MAN1A2: variants seen among roughly 807,000 people sequenced by gnomAD.
The protein encoded by MAN1A2 is mannosidase alpha class 1A member 2, also known as mannosyl-oligosaccharide 1,2-alpha-mannosidase IB.
Under a neutral mutation model 75.7 loss-of-function variants are expected in MAN1A2, and 26 were observed. That is an observed-to-expected ratio of 0.34 (90% CI 0.25 to 0.48). The LOEUF is 0.48. Among genes scored for constraint, MAN1A2 ranks in the 20% least tolerant of loss-of-function variants. The pLI, the probability that MAN1A2 is intolerant of heterozygous loss-of-function variation, is 0.99. For synonymous variants in MAN1A2, 247 were observed against 264.6 expected (o/e 0.93, Z 0.65); for missense variants, 562 against 775.5 (o/e 0.72, Z 3.27).
chr1:117,430,346 G>A (rs1251935789), intron 5 of MAN1A2, among the ~76,000 whole-genome samples: 2,451 of 119,156 alleles, frequency 0.021, 4 homozygotes, highest in Non-Finnish European at 0.034. Flanking sequence ...GGTGGCTGCC[G>A]GGCGGAGACG....
intron 7 of MAN1A2, among the ~76,000 whole-genome samples, chr1:117,462,875 T>C (rs536804806): frequency 3.3e-5 from 5 of 152,076 alleles, no homozygotes. Context: ...AGACTACAGA[T>C]ACATCTGGGA....
chr1:117,422,897 T>C (rs1490056737), intron 5 of MAN1A2, among the ~76,000 whole-genome samples: 3 of 152,168 alleles, frequency 2.0e-5, no homozygotes, highest in Non-Finnish European at 2.9e-5. Context: ...TTTTGAAGAA[T>C]TGATGTTGTT....
At chr1:117,414,692 T>C (rs1310920038) in intron 3 of MAN1A2, 21 bp from the exon 4 acceptor site, 2 of 1,302,704 alleles carry the variant, frequency 1.5e-6, no homozygotes, top group African/African-American at 1.5e-5. Context: ...TTAATGATAA[T>C]TTTTTTCTTC....
chr1:117,432,271 T>C (rs1648695710), intron 5 of MAN1A2, among the ~76,000 whole-genome samples: 1 of 152,076 alleles, frequency 6.6e-6, no homozygotes, highest in Non-Finnish European at 1.5e-5. Context: ...AATAATGGAA[T>C]ATTATAAGCA....
chr1:117,444,789 T>C (rs944796354), intron 6 of MAN1A2, among the ~76,000 whole-genome samples: 4 of 152,126 alleles, frequency 2.6e-5, no homozygotes, highest in African/African-American at 9.6e-5. Context: ...TCTGTTGGTC[T>C]GTTGTCTTTA....
In MAN1A2 at chr1:117,524,947, C is replaced by G; in HGVS notation, c.*1990C>G. 1 of 338,192 alleles carries G rather than the reference C, an allele frequency of 3.0e-6. No homozygotes were observed. Among genetic ancestry groups the G allele is most frequent in the Middle Eastern group, 4.5e-4 (1 of 2,236 alleles). The allele number at this position is 338,192 out of a possible 1,614,324, so 20.9% of individuals were successfully genotyped here. On this transcript the variant is annotated 3_prime_UTR_variant, in exon 13 of 13. Coordinates refer to ENST00000356554, the MANE Select transcript of MAN1A2 (RefSeq NM_006699.5). Reference sequence around the variant, plus strand: ...CTTCCTCGTAAAAGTAGCACAAGCCCACTTATGAATCACTGAGAAAAAGTG... The same window carrying G: ...CTTCCTCGTAAAAGTAGCACAAGCCGACTTATGAATCACTGAGAAAAAGTG...
chr1:117,376,108 C>T (rs932630433), intron 1 of MAN1A2, among the ~76,000 whole-genome samples: 1 of 152,108 alleles, frequency 6.6e-6, no homozygotes, highest in Non-Finnish European at 1.5e-5. Flanking sequence ...GACGGGGTTT[C>T]ACCGCGTTAG....
At chr1:117,435,079 T>A (rs1294773020) in intron 5 of MAN1A2, among the ~76,000 whole-genome samples, 5 of 151,804 alleles carry the variant, frequency 3.3e-5, no homozygotes, top group Non-Finnish European at 1.5e-5. Flanking sequence ...TAATTTTAGG[T>A]ATTTTGAGTT....
chr1:117,510,806 C>T (rs1401309742), intron 12 of MAN1A2, among the ~76,000 whole-genome samples: 1 of 152,010 alleles, frequency 6.6e-6, no homozygotes, highest in Non-Finnish European at 1.5e-5. Flanking sequence ...AACTTACATC[C>T]TAAAAATTTC....
intron 8 of MAN1A2, among the ~76,000 whole-genome samples, chr1:117,484,826 A>T (rs1650620362): frequency 6.6e-6 from 1 of 151,878 alleles, no homozygotes; most frequent in South Asian, 2.1e-4. Flanking sequence ...AAATGGTAAA[A>T]TAGACTAGTA....
At chr1:117,453,041 A>G (rs1649473748) in intron 6 of MAN1A2, among the ~76,000 whole-genome samples, 1 of 152,332 alleles carries the variant, frequency 6.6e-6, no homozygotes, top group Non-Finnish European at 1.5e-5. Context: ...GTGGAACAAC[A>G]AAGTTCAGAT....
chr1:117,464,072 A>T (rs960785021), intron 7 of MAN1A2, among the ~76,000 whole-genome samples: 1 of 152,104 alleles, frequency 6.6e-6, no homozygotes, highest in Non-Finnish European at 1.5e-5. Context: ...AAGCTGCAAG[A>T]AGAAGAAACA....
chr1:117,511,052 G>A (rs1651518120), intron 12 of MAN1A2, among the ~76,000 whole-genome samples: 1 of 151,988 alleles, frequency 6.6e-6, no homozygotes, highest in Admixed American at 6.6e-5. Flanking sequence ...TGCATAACTG[G>A]GGAAGCCTCA....
chr1:117,524,973 A>C lies in MAN1A2; in HGVS notation c.*2016A>C. ...ACTTATGAATCACTGAGAAAAAGTG[A>C]AAAACTTGAGTTGGCAAAGATGCAG... On this transcript the variant is annotated 3_prime_UTR_variant, in exon 13 of 13. Transcript: ENST00000356554. The C allele has an allele frequency of 2.8e-6, 1 of 358,192 alleles. No individual in the cohort carries two copies. Among genetic ancestry groups the C allele is most frequent in the East Asian group, 7.4e-5 (1 of 13,504 alleles). The allele number at this position is 358,192 out of a possible 1,614,324, so 22.2% of individuals were successfully genotyped here. A position where few individuals can be genotyped will look rare whatever the true frequency, so the allele number is the denominator to read the frequency against.
chr1:117,436,176 C>G (rs1178779334), intron 5 of MAN1A2, among the ~76,000 whole-genome samples: 1 of 152,096 alleles, frequency 6.6e-6, no homozygotes, highest in East Asian at 1.9e-4. Context: ...AAGTTGTTAA[C>G]TAGGTAAATG....
chr1:117,429,455 C>T (rs1323888090), intron 5 of MAN1A2, among the ~76,000 whole-genome samples: 2 of 124,700 alleles, frequency 1.6e-5, no homozygotes, highest in Non-Finnish European at 3.6e-5. Flanking sequence ...ACCTCCCTCC[C>T]GGAGGGGGCG....
At chr1:117,421,370 C>A (rs914125971) in intron 5 of MAN1A2, among the ~76,000 whole-genome samples, 7 of 151,950 alleles carry the variant, frequency 4.6e-5, no homozygotes, top group Admixed American at 4.6e-4. Context: ...TATAAAGATA[C>A]ATATCTATGT....
intron 8 of MAN1A2, among the ~76,000 whole-genome samples, chr1:117,477,064 C>T (rs182507994): frequency 6.6e-6 from 1 of 151,752 alleles, no homozygotes; most frequent in African/African-American, 2.4e-5. Context: ...TGGACACATA[C>T]ACCCTCCCAA....
intron 12 of MAN1A2, chr1:117,516,036 C>T (rs1395361131): frequency 6.6e-6 from 1 of 152,080 alleles, no homozygotes; most frequent in African/African-American, 2.4e-5. Context: ...TCTCCTCTAA[C>T]CCCTTCAATC....
Sources: gnomAD v4.1 joint callset for allele counts (sites outside exome capture counted in the v4.1 genomes callset) on GRCh38, gnomAD v4.1.1 for gene constraint, MANE v1.5 for transcripts, NCBI Gene and HGNC (gene_info 2026-07-23, HGNC 2026-07-21) for gene names.